Variants in CAMSAP1 observed in about 807,000 individuals in gnomAD.
CAMSAP1 encodes the protein calmodulin-regulated spectrin-associated protein 1.
In CAMSAP1, 58 loss-of-function variants were observed where a neutral mutation model predicts 143.5. The observed-to-expected ratio is 0.40, with a 90% confidence interval of 0.33 to 0.50. The LOEUF (loss-of-function observed/expected upper bound fraction) is 0.50. Ranked by LOEUF, CAMSAP1 falls within the 20% of genes least tolerant of loss-of-function variation. The pLI is 0.45. For missense variants in CAMSAP1, 1,969 were observed against 2,115.7 expected (o/e 0.93, Z 1.36); for synonymous variants, 945 against 859.3 (o/e 1.10, Z -1.74).
chr9:135,842,619 C>T (rs947426495), intron 7 of CAMSAP1, among the ~76,000 whole-genome samples: 1 of 152,162 alleles, frequency 6.6e-6, no homozygotes. Context: ...CAAAGGGAAG[C>T]CCATCAAACT....
chr9:135,811,306 G>C lies in CAMSAP1; in HGVS notation c.*3C>G. The C allele has an allele frequency of 6.2e-7, 1 of 1,611,032 alleles. No individual in the cohort carries two copies. The highest frequency in any genetic ancestry group is 2.2e-5 in the East Asian group (1 of 44,798). On this transcript the variant is annotated 3_prime_UTR_variant, in exon 17 of 17. Coordinates refer to ENST00000389532, the MANE Select transcript of CAMSAP1 (RefSeq NM_015447.4). This position sits in a 1 kb window ranked among gnomAD's most constrained non-coding sequence, Gnocchi z 4.9. ...CACCCTTTGGACGCCAGCTGCACCG[G>C]GGTCATTTACGAGTCTGGGCCTTCT...
chr9:135,858,724 C>A (rs1837067061), intron 5 of CAMSAP1, among the ~76,000 whole-genome samples: 1 of 152,256 alleles, frequency 6.6e-6, no homozygotes, highest in Non-Finnish European at 1.5e-5. Context: ...GGGTCCAAGT[C>A]TGGAAGCCTC....
At chr9:135,870,269 T>C (rs775166761) in intron 3 of CAMSAP1, among the ~76,000 whole-genome samples, 2 of 152,176 alleles carry the variant, frequency 1.3e-5, no homozygotes, top group African/African-American at 2.4e-5. Context: ...TCTCACAAGA[T>C]GTGATGGTTT....
intron 1 of CAMSAP1, among the ~76,000 whole-genome samples, chr9:135,886,426 C>T (rs950331553): frequency 6.6e-6 from 1 of 152,108 alleles, no homozygotes; most frequent in African/African-American, 2.4e-5. Flanking sequence ...GGGAAGGAAG[C>T]AGCCAGTAGG....
chr9:135,852,596 G>A (rs1407430880), intron 5 of CAMSAP1, among the ~76,000 whole-genome samples: 1 of 152,120 alleles, frequency 6.6e-6, no homozygotes, highest in Non-Finnish European at 1.5e-5. Context: ...CCCTCGGTGA[G>A]GCCACCCCAA....
chr9:135,907,487 G>C lies in CAMSAP1; in HGVS notation c.-328C>G, dbSNP rs1225458640. On this transcript the variant is annotated 5_prime_UTR_variant, in exon 1 of 17. Coordinates refer to ENST00000389532, the MANE Select transcript of CAMSAP1 (RefSeq NM_015447.4). ...CGGTGGCAGCGCGTGCGCGGTCCCG[G>C]GTGAGCGGCGGCGGCGGCGACAGCG... Among the ~76,000 whole-genome samples, 2 of 146,934 alleles carry C rather than the reference G, an allele frequency of 1.4e-5. No individual in the cohort carries two copies. Among genetic ancestry groups the C allele is most frequent in the Non-Finnish European group, 3.0e-5 (2 of 66,036 alleles).
At chr9:135,829,084 C>T (rs565649721) in intron 7 of CAMSAP1, among the ~76,000 whole-genome samples, 11 of 152,258 alleles carry the variant, frequency 7.2e-5, no homozygotes, top group African/African-American at 2.6e-4. Flanking sequence ...ATCAACAGAA[C>T]ACTAAATAGC....
At chr9:135,905,332 G>A (rs1481766647) in intron 1 of CAMSAP1, among the ~76,000 whole-genome samples, 1 of 152,218 alleles carries the variant, frequency 6.6e-6, no homozygotes, top group Non-Finnish European at 1.5e-5. Flanking sequence ...AATAAAAAAT[G>A]CATGCACCTT....
At chr9:135,876,826 T>C (rs1588496243) in intron 3 of CAMSAP1, among the ~76,000 whole-genome samples, 1 of 151,958 alleles carries the variant, frequency 6.6e-6, no homozygotes, top group Non-Finnish European at 1.5e-5. Flanking sequence ...CTGGCCAACA[T>C]GATGAAACCC....
At chr9:135,866,910 T>C (rs1271686450) in intron 3 of CAMSAP1, among the ~76,000 whole-genome samples, 1 of 152,132 alleles carries the variant, frequency 6.6e-6, no homozygotes, top group Non-Finnish European at 1.5e-5. Flanking sequence ...TGGAGACACC[T>C]CACTAAAGAG....
At position 135,820,906 on chromosome 9, in the gene CAMSAP1, C is replaced by A. The variant is rs759462653; in HGVS notation, c.3755G>T (p.Ser1252Ile). The change falls in exon 11 of 17, where the codon AGC becomes ATC. Residue 1252 changes from serine (S) to isoleucine (I), a missense_variant. Around this residue, in one of 4 missense-constraint regions of CAMSAP1, gnomAD observed 1,390 missense variants for 1,420.8 expected, o/e 0.98. Coordinates refer to ENST00000389532, the MANE Select transcript of CAMSAP1 (RefSeq NM_015447.4). The surrounding 1 kb of genome is among the most constrained non-coding windows in gnomAD (Gnocchi z 4.4). ...GACAAGGTCCGCCGAGCCATCGAGG[C>A]TTACCAGCTCCCCATCCTCGTCGGG... Reference protein sequence around the residue: ...KAPDEDGELVSLDGSADLVSE... With the variant: ...KAPDEDGELVILDGSADLVSE... 5.6e-6 allele frequency: 9 copies of A among 1,613,858 alleles called. No individual in the cohort carries two copies. In the Admixed American group the frequency reaches 1.5e-4, roughly 27 times the overall value.
At chr9:135,855,562 A>C (rs11103200) in intron 5 of CAMSAP1, among the ~76,000 whole-genome samples, 14,354 of 150,978 alleles carry the variant, frequency 0.095, 784 homozygotes, top group Middle Eastern at 0.14. Context: ...AACATGGCGA[A>C]ACCCCATCTC....
At chr9:135,865,451 C>A (rs1235256575) in intron 4 of CAMSAP1, 6 of 1,361,112 alleles carry the variant, frequency 4.4e-6, no homozygotes, top group East Asian at 2.5e-5. Flanking sequence ...CACTTCCCCA[C>A]GGCGTTTACA....
At position 135,823,007 on chromosome 9, in the gene CAMSAP1, G is replaced by A. The variant is rs1429446066; in HGVS notation, c.1654C>T (p.Pro552Ser). The A allele has an allele frequency of 4.3e-6, 7 of 1,613,864 alleles. No homozygotes were observed. Among genetic ancestry groups the A allele is most frequent in the Non-Finnish European group, 5.1e-6 (6 of 1,179,898 alleles). Residue 552 changes from proline to serine, a missense_variant, in exon 11 of 17, where the codon CCC becomes TCC. Physicochemically the swap from Pro to Ser is moderately conservative, Grantham distance 74. Transcript: ENST00000389532. ...LVAIVRADVVPQQADPEFPRA... is the reference protein window; with the variant it reads ...LVAIVRADVVSQQADPEFPRA... Reference sequence around the variant, plus strand: ...GGGAACTCCGGGTCAGCCTGCTGGGGAACCACGTCTGCTCTAACAATAGCC... The same window carrying A: ...GGGAACTCCGGGTCAGCCTGCTGGGAAACCACGTCTGCTCTAACAATAGCC...
chr9:135,855,760 A>G (rs1020862684), intron 5 of CAMSAP1, among the ~76,000 whole-genome samples: 4 of 147,308 alleles, frequency 2.7e-5, no homozygotes, highest in African/African-American at 1.0e-4. Flanking sequence ...AAAAAAAAAA[A>G]AAAAAAAAAA....
At chr9:135,862,351 T>C in intron 5 of CAMSAP1, 116 bp downstream of exon 5, 1 of 1,231,842 alleles carries the variant, frequency 8.1e-7, no homozygotes, top group Non-Finnish European at 1.1e-6. Flanking sequence ...CCAATTTATA[T>C]TAAGGATTCC....
At position 135,811,442 on chromosome 9, in the gene CAMSAP1, C is replaced by T. The variant is rs1340163814; in HGVS notation, c.4676G>A (p.Ser1559Asn). 6.2e-7 allele frequency: 1 copy of T among 1,612,512 alleles called. No individual in the cohort carries two copies. Among genetic ancestry groups the T allele is most frequent in the East Asian group, 2.2e-5 (1 of 44,878 alleles). Residue 1559 changes from serine (S) to asparagine (N), a missense_variant, in exon 17 of 17, where the codon AGC becomes AAC. By Grantham distance (46) the Ser-to-Asn change is conservative. Coordinates refer to ENST00000389532, the MANE Select transcript of CAMSAP1 (RefSeq NM_015447.4). This position sits in a 1 kb window ranked among gnomAD's most constrained non-coding sequence, Gnocchi z 4.9. Reference sequence around the variant, plus strand: ...CAAGTTAAACTGTTTTCGGTCTGAGCTGTATTTATACAGTTTGTCGATCAT... The same window carrying T: ...CAAGTTAAACTGTTTTCGGTCTGAGTTGTATTTATACAGTTTGTCGATCAT... ...KKMIDKLYKY[S>N]SDRKQFNLIP... is the part of the protein sequence containing the mutation.
At chr9:135,874,275 T>G (rs982269334) in intron 3 of CAMSAP1, among the ~76,000 whole-genome samples, 1 of 152,118 alleles carries the variant, frequency 6.6e-6, no homozygotes, top group Non-Finnish European at 1.5e-5. Flanking sequence ...GAGTTCAAGA[T>G]CAGCCTGGGC....
chr9:135,836,178 C>T (rs1836027030), intron 7 of CAMSAP1: 17 of 985,304 alleles, frequency 1.7e-5, no homozygotes, highest in Middle Eastern at 5.2e-4. Flanking sequence ...ACGCACATCA[C>T]CACATACCTT....
Sources: gnomAD v4.1 joint callset for allele counts (sites outside exome capture counted in the v4.1 genomes callset) on GRCh38, gnomAD v4.1.1 for gene constraint, gnomAD v4.1.1 regional missense constraint, Gnocchi (gnomAD v3.1) non-coding constraint, MANE v1.5 for transcripts, NCBI Gene and HGNC (gene_info 2026-07-23, HGNC 2026-07-21) for gene names.